The following RBFOX3 variants were observed in gnomAD, a reference collection of about 807,000 sequenced individuals.
RBFOX3 encodes RNA binding protein fox-1 homolog 3.
In RBFOX3, 17 loss-of-function variants were observed where a neutral mutation model predicts 48.7. That is an observed-to-expected ratio of 0.35 (90% CI 0.24 to 0.52). The LOEUF is 0.52. Ranked by LOEUF, RBFOX3 falls within the 20% of genes least tolerant of loss-of-function variation. RBFOX3 has a pLI of 0.94. For missense variants in RBFOX3, 382 were observed against 497.5 expected, an observed-to-expected ratio of 0.77 and a Z score of 2.21; for synonymous variants, 212 against 209.5, an observed-to-expected ratio of 1.01 and a Z score of -0.10.
At chr17:79,419,719 C>T (rs528623192) in intron 2 of RBFOX3, among the ~76,000 whole-genome samples, 3 of 152,226 alleles carry the variant, frequency 2.0e-5, no homozygotes, top group African/African-American at 2.4e-5. Flanking sequence ...AATAGGAAAG[C>T]ATTTTGAAAC....
intron 1 of RBFOX3, among the ~76,000 whole-genome samples, chr17:79,560,975 G>A (rs1426761108): frequency 6.6e-6 from 1 of 152,154 alleles, no homozygotes; most frequent in Non-Finnish European, 1.5e-5. Flanking sequence ...GCCAGCATTT[G>A]GACCCCAGCC....
chr17:79,629,463 T>C, the RBFOX3 span, among the ~76,000 whole-genome samples: 1 of 152,204 alleles, frequency 6.6e-6, no homozygotes, highest in African/African-American at 2.4e-5. Flanking sequence ...TTTTTCCACC[T>C]GCCAGATTTT....
chr17:79,302,187 C>T (rs903958268), intron 3 of RBFOX3, among the ~76,000 whole-genome samples: 1 of 152,236 alleles, frequency 6.6e-6, no homozygotes, highest in Middle Eastern at 3.2e-3. Flanking sequence ...GCATGCCGGG[C>T]ACTGTGCTGA....
intron 2 of RBFOX3, among the ~76,000 whole-genome samples, chr17:79,344,010 C>T (rs1402248147): frequency 6.6e-6 from 1 of 152,156 alleles, no homozygotes; most frequent in African/African-American, 2.4e-5. Context: ...CAGGAAGATG[C>T]CACTGATCCA....
At chr17:79,440,441 C>A (rs1328860969) in intron 2 of RBFOX3, among the ~76,000 whole-genome samples, 2 of 152,160 alleles carry the variant, frequency 1.3e-5, no homozygotes, top group Non-Finnish European at 2.9e-5. Context: ...TCCCTGCCAG[C>A]TGGGGCTCCA....
intron 3 of RBFOX3, among the ~76,000 whole-genome samples, chr17:79,251,858 C>A (rs1335600648): frequency 1.3e-5 from 2 of 152,228 alleles, no homozygotes; most frequent in Non-Finnish European, 2.9e-5. Flanking sequence ...GGCTCCCCCA[C>A]CAGGGGTCTG....
intron 3 of RBFOX3, among the ~76,000 whole-genome samples, chr17:79,273,707 C>T (rs1284721232): frequency 6.6e-6 from 1 of 152,176 alleles, no homozygotes; most frequent in African/African-American, 2.4e-5. Context: ...GCAGTGATGT[C>T]CGAGCGGGGC....
the RBFOX3 span, among the ~76,000 whole-genome samples, chr17:79,644,140 A>C: frequency 2.6e-5 from 4 of 152,296 alleles, no homozygotes; most frequent in East Asian, 7.7e-4. Context: ...AACTTACCAA[A>C]ATTGACACAA....
chr17:79,173,026 T>G (rs1327380021), intron 4 of RBFOX3, among the ~76,000 whole-genome samples: 1 of 152,140 alleles, frequency 6.6e-6, no homozygotes, highest in African/African-American at 2.4e-5. Context: ...CTGGCCAACA[T>G]GGTGAAACCC....
chr17:79,316,665 C>T (rs1472250480), intron 2 of RBFOX3, among the ~76,000 whole-genome samples: 1 of 152,220 alleles, frequency 6.6e-6, no homozygotes, highest in African/African-American at 2.4e-5. Flanking sequence ...TTTTGTGGGC[C>T]TAATCTTACA....
Position 79,421,552 on chromosome 17 carries a change from T to C in RBFOX3, c.-175+60902A>G, listed in dbSNP as rs1301904891. On this transcript the variant is annotated intron_variant, in intron 2 of 14. Coordinates refer to ENST00000693108, the MANE Select transcript of RBFOX3 (RefSeq NM_001350451.2). This position sits in a 1 kb window ranked among gnomAD's most constrained non-coding sequence, Gnocchi z 4.5. The stretch of plus-strand genomic sequence containing the variant: ...GCCTCACCTGGACAGGAGGCGAGGC[T>C]CAAATGACCCATGCTGGCATTGGGT... 6.6e-6 allele frequency among the ~76,000 whole-genome samples: 1 copy of C among 151,918 alleles called. No individual in the cohort carries two copies. The highest frequency in any genetic ancestry group is 1.5e-5 in the Non-Finnish European group (1 of 67,980).
chr17:79,495,545 T>TGGGGGAGGGGTGCAGAGGGTGGGGAGGG (rs1216046831), intron 1 of RBFOX3, among the ~76,000 whole-genome samples: 1 of 3,776 alleles, frequency 2.6e-4, no homozygotes, highest in Non-Finnish European at 5.1e-4. Context: ...GGTGGGGAGG[T>TGGGGGAGGGGTGCAGAGGGTGGGGAGGG]GGGGGCAGGG....
At chr17:79,499,076 GTACTCACTCATCCATC>G (rs1233001414) in intron 1 of RBFOX3, among the ~76,000 whole-genome samples, 14 of 140,790 alleles carry the variant, frequency 9.9e-5, no homozygotes, top group African/African-American at 3.5e-4. Flanking sequence ...ACCCATCCAT[GTACTCACTCATCCATC>G]TACTCACTCA....
At chr17:79,558,182 A>T (rs2091919118) in intron 1 of RBFOX3, among the ~76,000 whole-genome samples, 1 of 152,164 alleles carries the variant, frequency 6.6e-6, no homozygotes, top group Non-Finnish European at 1.5e-5. Context: ...CAGGAAAGAC[A>T]TACCCTCAGA....
At chr17:79,203,813 G>T (rs1011181821) in intron 4 of RBFOX3, among the ~76,000 whole-genome samples, 2 of 152,012 alleles carry the variant, frequency 1.3e-5, no homozygotes, top group African/African-American at 4.8e-5. Context: ...TTAGTTTTTG[G>T]TGTACCAATT....
intron 2 of RBFOX3, among the ~76,000 whole-genome samples, chr17:79,437,333 C>T (rs564458548): frequency 7.2e-5 from 11 of 152,344 alleles, no homozygotes; most frequent in African/African-American, 1.9e-4. Context: ...GCCGGGTCCC[C>T]CTGCCCACCC....
intron 3 of RBFOX3, among the ~76,000 whole-genome samples, chr17:79,301,666 A>G (rs1428515651): frequency 1.3e-5 from 2 of 152,214 alleles, no homozygotes; most frequent in African/African-American, 4.8e-5. Context: ...CCGCAGCAGC[A>G]CTACTCCCAG....
intron 4 of RBFOX3, among the ~76,000 whole-genome samples, chr17:79,188,806 T>C (rs2053928238): frequency 6.6e-6 from 1 of 152,262 alleles, no homozygotes; most frequent in African/African-American, 2.4e-5. Context: ...AGCACTGTGA[T>C]GTTCCACCCC....
intron 2 of RBFOX3, among the ~76,000 whole-genome samples, chr17:79,328,628 G>A (rs992810338): frequency 6.6e-6 from 1 of 152,158 alleles, no homozygotes; most frequent in Non-Finnish European, 1.5e-5. Context: ...ACCCTCGCAG[G>A]CACTGGCTGA....
Sources: gnomAD v4.1 joint callset for allele counts (sites outside exome capture counted in the v4.1 genomes callset) on GRCh38, gnomAD v4.1.1 for gene constraint, Gnocchi (gnomAD v3.1) non-coding constraint, MANE v1.5 for transcripts, NCBI Gene and HGNC (gene_info 2026-07-23, HGNC 2026-07-21) for gene names.